PDE6B: variants seen among roughly 807,000 people sequenced by gnomAD.
PDE6B encodes the protein phosphodiesterase 6B.
A neutral mutation model predicts 109.0 loss-of-function variants in PDE6B; 106 were observed. The observed-to-expected ratio is 0.97, with a 90% CI of 0.83 to 1.14. The LOEUF (loss-of-function observed/expected upper bound fraction) is 1.14, where lower values mean the gene tolerates loss of function less well. Among genes scored for constraint, PDE6B ranks in the 50% most tolerant of loss-of-function variants. The pLI is 0.00. For missense variants in PDE6B, 1,193 were observed against 1,155.6 expected (o/e 1.03, Z -0.47); for synonymous variants, 490 against 471.3 (o/e 1.04, Z -0.51).
chr4:648,827 G>A lies in PDE6B; in HGVS notation c.712-5025G>A, dbSNP rs1223552934. 1.3e-5 allele frequency among the ~76,000 whole-genome samples: 2 copies of A among 152,248 alleles called. No individual in the cohort carries two copies. Among genetic ancestry groups the A allele is most frequent in the African/African-American group, 4.8e-5 (2 of 41,472 alleles). ...GGGCTGCAGCTCTCACCTTCAGGCC[G>A]GCCATGCGTCAGGACCCGGTGGCTC... On this transcript the variant is annotated intron_variant, in intron 3 of 21. Coordinates refer to ENST00000496514, the MANE Select transcript of PDE6B (RefSeq NM_000283.4). This position sits in a 1 kb window ranked among gnomAD's most constrained non-coding sequence, Gnocchi z 4.5.
chr4:656,412 G>GCT (rs1736249161), intron 8 of PDE6B, 120 bp downstream of exon 8: 13 of 769,280 alleles, frequency 1.7e-5, no homozygotes, highest in African/African-American at 6.8e-5. Flanking sequence ...AGGCATGGTG[G>GCT]CTCACGCCTG....
In PDE6B at chr4:670,048, G is replaced by A. The variant is rs376829100; in HGVS notation, c.2506G>A (p.Gly836Ser). The A allele has an allele frequency of 1.2e-6, 2 of 1,612,472 alleles. No individual in the cohort carries two copies. The highest frequency in any genetic ancestry group is 1.3e-5 in the African/African-American group (1 of 74,836). ...EEERVAAKKV[G>S]TEICNGGPAP... ...CCATCTTCTGTCTTCTCTTGCAGTA[G>A]GCACAGAAATTTGCAATGGCGGCCC... Residue 836 changes from glycine to serine, a missense_variant and splice_region_variant, in exon 22 of 22, where the codon GGC becomes AGC. Transcript: ENST00000496514.
At chr4:657,761 G>A (rs543419461) in intron 10 of PDE6B, among the ~76,000 whole-genome samples, 27 of 145,942 alleles carry the variant, frequency 1.9e-4, no homozygotes, top group African/African-American at 6.7e-4. Flanking sequence ...TCACCCAGGG[G>A]TCATGGCTGT....
chr4:640,331 T>C (rs778790502), intron 3 of PDE6B, among the ~76,000 whole-genome samples: 1 of 151,370 alleles, frequency 6.6e-6, no homozygotes, highest in Non-Finnish European at 1.5e-5. Flanking sequence ...AGGTCAGGAG[T>C]TCAAGACCAG....
intron 3 of PDE6B, among the ~76,000 whole-genome samples, chr4:647,611 G>A (rs1209891771): frequency 1.3e-5 from 2 of 151,990 alleles, no homozygotes; most frequent in East Asian, 1.9e-4. Flanking sequence ...ATAAGGGCAC[G>A]TCTCGTAGGG....
chr4:659,178 C>T (rs756812974), intron 11 of PDE6B, among the ~76,000 whole-genome samples, 161 bp downstream of exon 11: 13 of 152,310 alleles, frequency 8.5e-5, no homozygotes, highest in African/African-American at 2.9e-4. Flanking sequence ...CCTTAGTGTA[C>T]GTGTGTGTAC....
In PDE6B at chr4:654,119, C is replaced by T. The variant is rs121918579; in HGVS notation, c.892C>T (p.Gln298Ter). Residue 298 changes from glutamine (Q) to a stop codon, truncating the protein, a stop_gained, in exon 5 of 22, where the codon CAG becomes TAG. Coordinates refer to ENST00000496514, the MANE Select transcript of PDE6B (RefSeq NM_000283.4). LOFTEE classifies it high-confidence loss of function. ...GTGGTCTGTGCTGATGGGAGAGTCC[C>T]AGCCGTACTCGGGCCCACGCACGCC... Reference protein sequence around the residue: ...DVWSVLMGESQPYSGPRTPDG... With the variant: ...DVWSVLMGES 180 of 1,613,776 alleles carry T rather than the reference C, an allele frequency of 1.1e-4. No homozygotes were observed. Among genetic ancestry groups the T allele is most frequent in the Non-Finnish European group, 1.5e-4 (173 of 1,180,044 alleles).
chr4:645,590 C>T (rs891815678), intron 3 of PDE6B, among the ~76,000 whole-genome samples: 12 of 151,874 alleles, frequency 7.9e-5, no homozygotes, highest in Non-Finnish European at 1.5e-4. Flanking sequence ...CCACCGCGCC[C>T]GGCCAGGCTA....
intron 8 of PDE6B, among the ~76,000 whole-genome samples, chr4:656,668 C>A (rs374304206): frequency 6.6e-6 from 1 of 152,234 alleles, no homozygotes; most frequent in African/African-American, 2.4e-5. Flanking sequence ...CTACCTCCTC[C>A]GGTGGGAAAA....
rs771314739 is a variant in PDE6B, at chr4:654,930, C to T, written c.992+42C>T. ...ACCAGAAGCGTCCCCGGGGGAGGGA[C>T]CGCCCCTCAGACCCCGGCTCAGCCC... On this transcript the variant is annotated intron_variant, in intron 6 of 21. Transcript: ENST00000496514. The T allele has an allele frequency of 4.7e-5, 53 of 1,135,098 alleles. No homozygotes were observed. In the Middle Eastern group the frequency reaches 7.9e-4, roughly 17 times the overall value. The allele number at this position is 1,135,098 out of a possible 1,614,324, so 70.3% of individuals were successfully genotyped here.
chr4:665,203 C>T lies in PDE6B; in HGVS notation c.2194-52C>T. On this transcript the variant is annotated intron_variant, in intron 18 of 21. Transcript: ENST00000496514. This position sits in a 1 kb window ranked among gnomAD's most constrained non-coding sequence, Gnocchi z 4.0. ...GGAGCCTCACGGGGCGGGCCCGGGCCCTTCCGCGTGGGCTCAGAGCTCCAC... is the reference window on the plus strand; with the variant it reads ...GGAGCCTCACGGGGCGGGCCCGGGCTCTTCCGCGTGGGCTCAGAGCTCCAC... 1 of 1,382,458 alleles carries T rather than the reference C, an allele frequency of 7.2e-7. No individual in the cohort carries two copies. Among genetic ancestry groups the T allele is most frequent in the South Asian group, 1.2e-5 (1 of 84,556 alleles). 85.6% of individuals were successfully genotyped at this position (1,382,458 alleles called of 1,614,324 possible). A position where few individuals can be genotyped will look rare whatever the true frequency, so the allele number is the denominator to read the frequency against.
intron 10 of PDE6B, among the ~76,000 whole-genome samples, chr4:658,450 G>GCA: frequency 6.6e-6 from 1 of 150,924 alleles, no homozygotes; most frequent in African/African-American, 2.4e-5. Context: ...TGTGCGGTGG[G>GCA]GGCAGGTCAC....
chr4:631,833 T>C (rs894866800), intron 1 of PDE6B, among the ~76,000 whole-genome samples: 5 of 151,118 alleles, frequency 3.3e-5, no homozygotes, highest in Non-Finnish European at 1.5e-5. Flanking sequence ...GTTGTGTGGG[T>C]CCATGTGGCA....
In PDE6B at chr4:662,656, A is replaced by C; in HGVS notation, c.1832+38A>C. On this transcript the variant is annotated intron_variant, in intron 14 of 21. Transcript: ENST00000496514. The surrounding 1 kb of genome is among the most constrained non-coding windows in gnomAD (Gnocchi z 4.3). ...GGGCGGGCATGTGAATTAGCCCTAA[A>C]TCAACTCCACGCCCTTGGCGTGAAT... is the stretch of plus-strand genomic sequence containing the variant. The C allele has an allele frequency of 8.0e-7, 1 of 1,247,606 alleles. No homozygotes were observed. Among genetic ancestry groups the C allele is most frequent in the Non-Finnish European group, 1.2e-6 (1 of 846,168 alleles). The allele number at this position is 1,247,606 out of a possible 1,614,324, so 77.3% of individuals were successfully genotyped here.
chr4:630,467 C>G (rs900043907), intron 1 of PDE6B, among the ~76,000 whole-genome samples: 1 of 152,008 alleles, frequency 6.6e-6, no homozygotes, highest in African/African-American at 2.4e-5. Context: ...AGAGAGTGGC[C>G]GGATGTTTCC....
intron 6 of PDE6B, 125 bp from the exon 7 acceptor site, chr4:655,815 G>A: frequency 2.7e-6 from 2 of 751,416 alleles, no homozygotes; most frequent in Non-Finnish European, 4.8e-6. Flanking sequence ...TCTGACCCCT[G>A]CACACACACG....
intron 20 of PDE6B, 71 bp from the exon 21 acceptor site, chr4:667,785 G>C: frequency 6.6e-7 from 1 of 1,515,852 alleles, no homozygotes; most frequent in Non-Finnish European, 9.1e-7. Context: ...GGGATGAGCT[G>C]GGGAAGGGCT....
intron 3 of PDE6B, among the ~76,000 whole-genome samples, chr4:644,146 C>T (rs1210059151): frequency 1.3e-5 from 2 of 151,568 alleles, no homozygotes; most frequent in Non-Finnish European, 2.9e-5. Context: ...CTCGATCTCT[C>T]GACCTCGTGA....
chr4:662,215 G>A lies in PDE6B; in HGVS notation c.1696G>A (p.Ala566Thr). ...CAACTGGCGCCACGGCTTCAACGTG[G>A]CCCAGACGATGTTCACGCTGCTCAT... ...YHNWRHGFNVAQTMFTLLMTG... is the reference protein window; with the variant it reads ...YHNWRHGFNVTQTMFTLLMTG... Residue 566 changes from alanine to threonine, a missense_variant, in exon 13 of 22, where the codon GCC (alanine) becomes ACC (threonine). Coordinates refer to ENST00000496514, the MANE Select transcript of PDE6B (RefSeq NM_000283.4). The surrounding 1 kb of genome is among the most constrained non-coding windows in gnomAD (Gnocchi z 4.3). The A allele has an allele frequency of 1.9e-6, 3 of 1,566,724 alleles. No homozygotes were observed. Among genetic ancestry groups the A allele is most frequent in the Non-Finnish European group, 8.7e-7 (1 of 1,154,764 alleles).
Sources: gnomAD v4.1 joint callset for allele counts (sites outside exome capture counted in the v4.1 genomes callset) on GRCh38, gnomAD v4.1.1 for gene constraint, Gnocchi (gnomAD v3.1) non-coding constraint, MANE v1.5 for transcripts, NCBI Gene and HGNC (gene_info 2026-07-23, HGNC 2026-07-21) for gene names.